PPP2R2D: variants seen among roughly 807,000 people sequenced by gnomAD.
PPP2R2D encodes serine/threonine-protein phosphatase 2A 55 kDa regulatory subunit B delta isoform.
PPP2R2D carries 9 observed loss-of-function variants against 31.1 expected under a neutral mutation model. The observed-to-expected ratio is 0.29, with a 90% CI of 0.17 to 0.51. The LOEUF is 0.51. Ranked by LOEUF, PPP2R2D falls within the 20% of genes least tolerant of loss-of-function variation. PPP2R2D has a pLI of 0.98. For synonymous variants in PPP2R2D, 179 were observed against 172.6 expected, an observed-to-expected ratio of 1.04 and a Z score of -0.29; for missense variants, 391 against 465.6, an observed-to-expected ratio of 0.84 and a Z score of 1.48.
At chr10:131,918,733 G>A (rs2035885889) in intron 2 of PPP2R2D, among the ~76,000 whole-genome samples, 1 of 149,724 alleles carries the variant, frequency 6.7e-6, no homozygotes, top group Non-Finnish European at 1.5e-5. Flanking sequence ...TCAGGCGGGT[G>A]GAATGACACA....
chr10:131,938,477 G>T (rs570342577), intron 3 of PPP2R2D, among the ~76,000 whole-genome samples: 4 of 152,156 alleles, frequency 2.6e-5, no homozygotes, highest in African/African-American at 9.7e-5. Context: ...TTCATCAAAG[G>T]AAGGAGAATG....
chr10:131,944,831 G>T (rs1268953949), intron 6 of PPP2R2D, among the ~76,000 whole-genome samples: 1 of 152,164 alleles, frequency 6.6e-6, no homozygotes, highest in Non-Finnish European at 1.5e-5. Context: ...TTTCTGTATA[G>T]GATTTCTGTT....
At chr10:131,939,859 A>C in intron 3 of PPP2R2D, 172 bp from the exon 4 acceptor site, 1 of 395,996 alleles carries the variant, frequency 2.5e-6, no homozygotes. Context: ...GTCGGAAATC[A>C]AGTTCGTTCT....
intron 2 of PPP2R2D, among the ~76,000 whole-genome samples, chr10:131,913,564 G>A (rs1192548199): frequency 6.6e-6 from 1 of 152,146 alleles, no homozygotes; most frequent in African/African-American, 2.4e-5. Flanking sequence ...GGAATAATGT[G>A]TGGGACAAAA....
At chr10:131,923,273 G>A (rs1416778377) in intron 2 of PPP2R2D, among the ~76,000 whole-genome samples, 8 of 152,164 alleles carry the variant, frequency 5.3e-5, no homozygotes, top group East Asian at 1.9e-4. Context: ...TCTCCCCAGC[G>A]TGATGCCGGT....
At chr10:131,927,925 A>T (rs1311944207) in intron 2 of PPP2R2D, among the ~76,000 whole-genome samples, 2 of 152,148 alleles carry the variant, frequency 1.3e-5, no homozygotes, top group African/African-American at 4.8e-5. Flanking sequence ...AGTGATGCAC[A>T]TATGTAGTTC....
At position 131,955,837 on chromosome 10, in the gene PPP2R2D, C is replaced by G; in HGVS notation, c.1236C>G (p.Asp412Glu). The G allele has an allele frequency of 6.2e-7, 1 of 1,609,670 alleles. No individual in the cohort carries two copies. The highest frequency in any genetic ancestry group is 8.5e-7 in the Non-Finnish European group (1 of 1,177,700). Reference sequence around the variant, plus strand: ...GTACGGGGGGTAAGCGGAGGAAAGACGAGATCAGTGTGGACAGTCTGGACT... The same window carrying G: ...GTACGGGGGGTAAGCGGAGGAAAGAGGAGATCAGTGTGGACAGTCTGGACT... ...KVCTGGKRRK[D>E]EISVDSLDFN... The change falls in exon 9 of 9, where the codon GAC becomes GAG. Residue 412 changes from aspartate to glutamate, a missense_variant. Transcript: ENST00000455566.
chr10:131,970,514 G>C, the PPP2R2D span: 3 of 1,358,900 alleles, frequency 2.2e-6, no homozygotes, highest in Non-Finnish European at 3.0e-6. This position sits in a 1 kb window ranked among gnomAD's most constrained non-coding sequence, Gnocchi z 4.1. Flanking sequence ...GTGGGTGTTT[G>C]TGAAAATGCA....
intron 2 of PPP2R2D, among the ~76,000 whole-genome samples, chr10:131,925,114 C>T (rs1277399487): frequency 2.0e-5 from 3 of 152,158 alleles, no homozygotes; most frequent in African/African-American, 7.2e-5. Context: ...AGATATGTTA[C>T]TCCTTTTTAA....
At chr10:131,924,414 G>T (rs1014802760) in intron 2 of PPP2R2D, among the ~76,000 whole-genome samples, 1 of 152,054 alleles carries the variant, frequency 6.6e-6, no homozygotes, top group Non-Finnish European at 1.5e-5. Context: ...AGATGTCCTG[G>T]CATCATTGTT....
intron 3 of PPP2R2D, 29 bp from the exon 4 acceptor site, chr10:131,940,002 A>C: frequency 1.5e-6 from 1 of 650,702 alleles, no homozygotes; most frequent in Non-Finnish European, 2.8e-6. Context: ...TGCTTTGTTC[A>C]TTAAAACAGC....
At chr10:131,952,240 A>G (rs1246353799) in intron 8 of PPP2R2D, among the ~76,000 whole-genome samples, 1 of 17,480 alleles carries the variant, frequency 5.7e-5, no homozygotes, top group Non-Finnish European at 9.5e-5. Flanking sequence ...CTTAGCAGTG[A>G]CTTGGGGGGT....
Position 131,937,224 on chromosome 10 carries a change from G to A in PPP2R2D, c.198+2669G>A, listed in dbSNP as rs187160428. 1.1e-3 allele frequency among the ~76,000 whole-genome samples: 171 copies of A among 152,330 alleles called. 1 individual carries two copies. The Middle Eastern group carries it at 0.014, about 12-fold the overall frequency. On this transcript the variant is annotated intron_variant, in intron 3 of 8. Transcript: ENST00000455566. ...TCTGGCTGTGCAGAAGACGAGGTGG[G>A]AAGCATAGTCAGCACCTTGAGTTTC...
chr10:131,951,227 TC>T (rs1450254997), intron 8 of PPP2R2D, among the ~76,000 whole-genome samples: 1 of 152,258 alleles, frequency 6.6e-6, no homozygotes, highest in African/African-American at 2.4e-5. Context: ...TCTTGTGACC[TC>T]CTTGGTGACA....
At chr10:131,963,850 C>T (rs1554901836), downstream of PPP2R2D, among the ~76,000 whole-genome samples, 1 of 152,224 alleles carries the variant, frequency 6.6e-6, no homozygotes, top group Non-Finnish European at 1.5e-5. Flanking sequence ...GTCCTGCAGC[C>T]TCATGGGGAC....
rs782804176 is a variant in PPP2R2D at position 131,947,681 on chromosome 10, G to A, written c.972G>A (p.Arg324=). ...VKVWDLNMES[R]PVETHQVHEY... is the part of the protein sequence containing the mutation. ...TGTGGGACCTCAACATGGAGAGCAG[G>A]CCGGTGGAGACCCACCAGGTCCACG... Residue 324 remains arginine (R), a synonymous_variant, in exon 8 of 9, where the codon AGG becomes AGA. Coordinates refer to ENST00000455566, the MANE Select transcript of PPP2R2D (RefSeq NM_018461.5). This position sits in a 1 kb window ranked among gnomAD's most constrained non-coding sequence, Gnocchi z 4.3. The A allele has an allele frequency of 1.6e-5, 26 of 1,614,208 alleles. No homozygotes were observed. In the South Asian group the frequency reaches 2.9e-4, roughly 18 times the overall value.
chr10:131,914,300 C>T (rs1473214019), intron 2 of PPP2R2D, among the ~76,000 whole-genome samples: 1 of 152,210 alleles, frequency 6.6e-6, no homozygotes, highest in Non-Finnish European at 1.5e-5. Flanking sequence ...GTCAAGGCTG[C>T]TGTGAGCTGT....
intron 3 of PPP2R2D, among the ~76,000 whole-genome samples, chr10:131,935,450 CCT>C (rs1454154288): frequency 6.6e-6 from 1 of 152,158 alleles, no homozygotes; most frequent in African/African-American, 2.4e-5. Context: ...CCCTGGTTCC[CCT>C]CTCTGCAGAT....
At chr10:131,914,365 C>T (rs1275370485) in intron 2 of PPP2R2D, among the ~76,000 whole-genome samples, 2 of 152,182 alleles carry the variant, frequency 1.3e-5, no homozygotes, top group African/African-American at 4.8e-5. Flanking sequence ...CTCAAATAAG[C>T]AAAGACATTC....
Sources: gnomAD v4.1 joint callset for allele counts (sites outside exome capture counted in the v4.1 genomes callset) on GRCh38, gnomAD v4.1.1 for gene constraint, Gnocchi (gnomAD v3.1) non-coding constraint, MANE v1.5 for transcripts, NCBI Gene and HGNC (gene_info 2026-07-23, HGNC 2026-07-21) for gene names.